Variants in ZNF385D observed in about 807,000 individuals in gnomAD.
ZNF385D encodes zinc finger protein 659.
Under a neutral mutation model 35.8 loss-of-function variants are expected in ZNF385D, and 15 were observed. That is an observed-to-expected ratio of 0.42 (90% confidence interval 0.28 to 0.64). The LOEUF (loss-of-function observed/expected upper bound fraction) is 0.64. Among genes scored for constraint, ZNF385D ranks in the 30% least tolerant of loss-of-function variants. The pLI, the probability that ZNF385D is intolerant of heterozygous loss-of-function variation, is 0.23. For missense variants in ZNF385D, 474 were observed against 494.6 expected, an observed-to-expected ratio of 0.96 and a Z score of 0.39; for synonymous variants, 212 against 186.8, an observed-to-expected ratio of 1.13 and a Z score of -1.10.
At chr3:21,970,994 G>C (rs561823166) in intron 3 of ZNF385D, among the ~76,000 whole-genome samples, 1 of 151,938 alleles carries the variant, frequency 6.6e-6, no homozygotes, top group Admixed American at 6.6e-5. Flanking sequence ...AAAGGAGAAA[G>C]AAATAGTTTT....
chr3:22,113,727 A>T (rs1267398187), intron 3 of ZNF385D, among the ~76,000 whole-genome samples: 1 of 152,074 alleles, frequency 6.6e-6, no homozygotes, highest in East Asian at 1.9e-4. Context: ...ATACAAATAT[A>T]AAAGAAAGCT....
rs568177690 is a variant in ZNF385D, at chr3:21,823,053, T to C, written c.326-158025A>G. On this transcript the variant is annotated intron_variant, in intron 3 of 5. Coordinates refer to the ZNF385D transcript ENST00000494108. ...ATTCAAAAATATCATAATTTTCTAT[T>C]TGTTAAGCTGCAGAGTGGATACTCA... Among the ~76,000 whole-genome samples, 3 of 152,272 alleles carry C rather than the reference T, an allele frequency of 2.0e-5. No individual in the cohort carries two copies. The East Asian group carries it at 5.8e-4, about 29-fold the overall frequency.
At chr3:21,640,533 C>T (rs879377764) in intron 2 of ZNF385D, among the ~76,000 whole-genome samples, 1 of 151,908 alleles carries the variant, frequency 6.6e-6, no homozygotes, top group Non-Finnish European at 1.5e-5. Flanking sequence ...GGTGGAGCCC[C>T]CATGACAAGA....
At chr3:21,565,589 A>G (rs2063115771) in intron 2 of ZNF385D, among the ~76,000 whole-genome samples, 1 of 152,024 alleles carries the variant, frequency 6.6e-6, no homozygotes, top group Non-Finnish European at 1.5e-5. Flanking sequence ...ATCCTTGTCT[A>G]TTAAAGTTGT....
chr3:21,683,467 A>T (rs902152807), intron 1 of ZNF385D, among the ~76,000 whole-genome samples: 1 of 149,526 alleles, frequency 6.7e-6, no homozygotes, highest in Non-Finnish European at 1.5e-5. Context: ...AAATACAAAA[A>T]ATTAGCTGGT....
rs1286862807 is a variant in ZNF385D, at chr3:21,511,032, G to A, written c.277-9C>T. The stretch of plus-strand genomic sequence containing the variant: ...TGGGCCGCAGCCTGGCTCTACAAAG[G>A]AGAACAAAATGAACCATGCAATCAG... On this transcript the variant is annotated splice_polypyrimidine_tract_variant and intron_variant, in intron 3 of 7. Transcript: ENST00000281523. The A allele has an allele frequency of 6.2e-7, 1 of 1,613,748 alleles. No homozygotes were observed. Among genetic ancestry groups the A allele is most frequent in the Non-Finnish European group, 8.5e-7 (1 of 1,179,934 alleles).
At chr3:21,746,840 C>A (rs2069794021) in intron 1 of ZNF385D, among the ~76,000 whole-genome samples, 3 of 152,174 alleles carry the variant, frequency 2.0e-5, no homozygotes, top group South Asian at 2.1e-4. Context: ...TTCCTCATAA[C>A]CTTGCCATTT....
At chr3:21,513,949 G>C (rs1233286885) in intron 3 of ZNF385D, among the ~76,000 whole-genome samples, 2 of 152,106 alleles carry the variant, frequency 1.3e-5, no homozygotes, top group Admixed American at 6.6e-5. Context: ...CCACTTGATA[G>C]ATGCAGATAG....
At chr3:22,036,858 C>CCCCCT (rs1698357544) in intron 3 of ZNF385D, among the ~76,000 whole-genome samples, 1 of 115,716 alleles carries the variant, frequency 8.6e-6, no homozygotes, top group Admixed American at 9.5e-5. Context: ...GCTATCCCTC[C>CCCCCT]CCCCTCCCCC....
chr3:21,858,157 C>CA (rs34471727), intron 3 of ZNF385D, among the ~76,000 whole-genome samples: 73,643 of 119,294 alleles, frequency 0.62, 20,828 homozygotes, highest in East Asian at 0.67. Flanking sequence ...AAGAGTCTAT[C>CA]AAAAAAAAAA....
At chr3:22,287,633 C>T (rs1196419204) in intron 2 of ZNF385D, among the ~76,000 whole-genome samples, 5 of 151,930 alleles carry the variant, frequency 3.3e-5, no homozygotes, top group African/African-American at 1.2e-4. Context: ...ACAAACTCTA[C>T]ACTTTTTCTA....
At chr3:21,504,111 A>C (rs1470791543) in intron 4 of ZNF385D, among the ~76,000 whole-genome samples, 1 of 152,202 alleles carries the variant, frequency 6.6e-6, no homozygotes, top group Admixed American at 6.5e-5. Context: ...TAATAGAACC[A>C]GGGAGAAATG....
At chr3:21,586,039 A>G (rs1426619597) in intron 2 of ZNF385D, among the ~76,000 whole-genome samples, 1 of 31,626 alleles carries the variant, frequency 3.2e-5, no homozygotes, top group East Asian at 4.9e-4. Context: ...ATACAAATAC[A>G]TACACACACA....
chr3:21,973,180 C>T (rs1259615379), intron 3 of ZNF385D, among the ~76,000 whole-genome samples: 1 of 151,740 alleles, frequency 6.6e-6, no homozygotes, highest in African/African-American at 2.4e-5. Context: ...AAATACCAAA[C>T]GACCAAATTC....
intron 3 of ZNF385D, among the ~76,000 whole-genome samples, chr3:21,888,773 A>G (rs1698685327): frequency 6.6e-6 from 1 of 152,214 alleles, no homozygotes; most frequent in Admixed American, 6.5e-5. Context: ...TGATAACAAG[A>G]AAGATAGGTG....
chr3:22,311,752 A>C (rs543345629), intron 2 of ZNF385D, among the ~76,000 whole-genome samples: 2 of 152,246 alleles, frequency 1.3e-5, no homozygotes, highest in South Asian at 4.1e-4. Context: ...ATTACGACAC[A>C]AATCTAGTAC....
chr3:22,304,662 C>T (rs1703106156), intron 2 of ZNF385D, among the ~76,000 whole-genome samples: 1 of 152,108 alleles, frequency 6.6e-6, no homozygotes, highest in Admixed American at 6.5e-5. Flanking sequence ...AATGAGGTTT[C>T]CAACTACATC....
rs1197198170 is a variant in ZNF385D at position 22,007,839 on chromosome 3, TTA to T, written c.325+160976_325+160977del. ...TCCTAGTTTTTAATTTTTATATAAT[TTA>T]TATAGTTTTCTTTTTGTTAATACAA... On this transcript the variant is annotated intron_variant, in intron 3 of 5. Transcript: ENST00000494108. Among the ~76,000 whole-genome samples the T allele has an allele frequency of 4.6e-5, 7 of 151,370 alleles. No individual in the cohort carries two copies. The East Asian group carries it at 9.6e-4, about 21-fold the overall frequency.
At chr3:21,669,521 A>G (rs1207860319) in intron 1 of ZNF385D, among the ~76,000 whole-genome samples, 1 of 152,224 alleles carries the variant, frequency 6.6e-6, no homozygotes, top group Non-Finnish European at 1.5e-5. Context: ...GAGACTGAGA[A>G]AGTAAGACAC....
Sources: allele counts gnomAD v4.1 joint callset (sites outside exome capture counted in the v4.1 genomes callset), GRCh38; gene constraint gnomAD v4.1.1; transcripts MANE v1.5; gene names NCBI Gene and HGNC (gene_info 2026-07-23, HGNC 2026-07-21).